Variants in ZC3H4 observed in about 807,000 individuals in gnomAD.
ZC3H4 encodes the protein zinc finger CCCH domain-containing protein 4.
In ZC3H4, 13 loss-of-function variants were observed where a neutral mutation model predicts 108.3. The observed-to-expected ratio is 0.12, with a 90% confidence interval of 0.08 to 0.19. The LOEUF is 0.19. Among genes scored for constraint, ZC3H4 ranks in the 10% least tolerant of loss-of-function variants. ZC3H4 has a pLI of 1.00. For synonymous variants in ZC3H4, 917 were observed against 749.6 expected (o/e 1.22, Z -3.65); for missense variants, 1,734 against 1,838.8 (o/e 0.94, Z 1.04).
Position 47,072,179 on chromosome 19 carries a change from C to A in ZC3H4, c.1803-58G>T, listed in dbSNP as rs1293501371. 3 of 1,459,744 alleles carry A rather than the reference C, an allele frequency of 2.1e-6. No individual in the cohort carries two copies. Among genetic ancestry groups the A allele is most frequent in the Non-Finnish European group, 2.7e-6 (3 of 1,097,704 alleles). 90.4% of individuals were successfully genotyped at this position (1,459,744 alleles called of 1,614,324 possible). On this transcript the variant is annotated intron_variant, in intron 12 of 14. Coordinates refer to ENST00000253048, the MANE Select transcript of ZC3H4 (RefSeq NM_015168.2). This position sits in a 1 kb window ranked among gnomAD's most constrained non-coding sequence, Gnocchi z 5.6. ...CTGCCGAGGAGGGCAGTGGCCACACCCCAGAGGAGAGGCGGAGGGCTGCAG... is the reference window on the plus strand; with the variant it reads ...CTGCCGAGGAGGGCAGTGGCCACACACCAGAGGAGAGGCGGAGGGCTGCAG...
At chr19:47,106,500 C>T (rs2057969872) in intron 2 of ZC3H4, among the ~76,000 whole-genome samples, 1 of 152,210 alleles carries the variant, frequency 6.6e-6, no homozygotes, top group Non-Finnish European at 1.5e-5. Flanking sequence ...TCACTCTATC[C>T]TTTCTGGGAC....
At chr19:47,101,815 G>A (rs2057907523) in intron 2 of ZC3H4, among the ~76,000 whole-genome samples, 1 of 150,366 alleles carries the variant, frequency 6.7e-6, no homozygotes, top group Non-Finnish European at 1.5e-5. Flanking sequence ...AGGTTGCAAT[G>A]AGCGATCGCA....
At chr19:47,090,958 A>C (rs574615776) in intron 4 of ZC3H4, among the ~76,000 whole-genome samples, 94 of 152,318 alleles carry the variant, frequency 6.2e-4, no homozygotes, top group African/African-American at 2.2e-3. Context: ...AATAAACTTA[A>C]AACAGCTCTA....
chr19:47,085,779 G>A (rs1414555842), intron 6 of ZC3H4, among the ~76,000 whole-genome samples: 5 of 152,202 alleles, frequency 3.3e-5, no homozygotes, highest in African/African-American at 4.8e-5. Flanking sequence ...GAAGGACCAC[G>A]TGCCTGGCTG....
At chr19:47,081,761 C>A in intron 10 of ZC3H4, 139 bp from the exon 11 acceptor site, 1 of 739,970 alleles carries the variant, frequency 1.4e-6, no homozygotes, top group Non-Finnish European at 2.3e-6. Flanking sequence ...GTGCTAAGGG[C>A]TGCTCAGTGG....
chr19:47,086,640 C>CCTCCTCCTCCTT (rs886796947), intron 5 of ZC3H4, 102 bp from the exon 6 acceptor site: 2 of 1,428,938 alleles, frequency 1.4e-6, no homozygotes, highest in Admixed American at 3.1e-5. Context: ...ACTTCAGCTG[C>CCTCCTCCTCCTT]CTCCTCCTCC....
chr19:47,109,274 A>G (rs1414166515), intron 2 of ZC3H4, among the ~76,000 whole-genome samples: 1 of 152,210 alleles, frequency 6.6e-6, no homozygotes, highest in Non-Finnish European at 1.5e-5. Flanking sequence ...GAAAACAATA[A>G]ACCGTTGTGT....
At chr19:47,070,603 C>G (rs1024604111) in intron 13 of ZC3H4, among the ~76,000 whole-genome samples, 1 of 152,146 alleles carries the variant, frequency 6.6e-6, no homozygotes, top group African/African-American at 2.4e-5. Context: ...CCTACTGTGG[C>G]AGCCTGTTTT....
chr19:47,088,546 C>CAA (rs200397969), intron 5 of ZC3H4, among the ~76,000 whole-genome samples: 1 of 141,272 alleles, frequency 7.1e-6, no homozygotes, highest in Non-Finnish European at 1.6e-5. Context: ...AACTCTGTCT[C>CAA]AAAAAAAAAA....
At chr19:47,085,014 G>A (rs2057591392) in intron 8 of ZC3H4, 42 bp downstream of exon 8, 1 of 1,609,718 alleles carries the variant, frequency 6.2e-7, no homozygotes, top group Non-Finnish European at 8.5e-7. Flanking sequence ...GACTAAGAAG[G>A]GACCTTGGCC....
At chr19:47,086,162 C>T (rs1020181067) in intron 6 of ZC3H4, among the ~76,000 whole-genome samples, 7 of 152,198 alleles carry the variant, frequency 4.6e-5, no homozygotes, top group African/African-American at 1.7e-4. Context: ...CCACCGCGCC[C>T]AGCCGATACC....
chr19:47,067,196 C>G lies in ZC3H4; in HGVS notation c.3072G>C (p.Arg1024=). ...AATCCGTGGAGGCGCCCGGGCGCTG[C>G]CGGGCGTTGGGGGGCCCTGCCGTGG... is the stretch of plus-strand genomic sequence containing the variant. ...RAATAGPPNA[R]QRPGASTDSS... The change falls in exon 15 of 15, where the codon CGG becomes CGC. Residue 1024 remains arginine (R), a synonymous_variant. Coordinates refer to ENST00000253048, the MANE Select transcript of ZC3H4 (RefSeq NM_015168.2). The surrounding 1 kb of genome is among the most constrained non-coding windows in gnomAD (Gnocchi z 6.4). 1 of 1,610,774 alleles carries G rather than the reference C, an allele frequency of 6.2e-7. No homozygotes were observed. Among genetic ancestry groups the G allele is most frequent in the East Asian group, 2.2e-5 (1 of 44,780 alleles).
At chr19:47,108,716 T>C (rs1028175267) in intron 2 of ZC3H4, among the ~76,000 whole-genome samples, 6 of 152,220 alleles carry the variant, frequency 3.9e-5, no homozygotes, top group African/African-American at 1.4e-4. Context: ...ACCACAGCAG[T>C]GGCTTACTAA....
intron 2 of ZC3H4, among the ~76,000 whole-genome samples, chr19:47,100,131 T>G (rs542693308): frequency 1.2e-4 from 18 of 152,294 alleles, no homozygotes; most frequent in African/African-American, 4.3e-4. Flanking sequence ...AGTCGTTTAT[T>G]AGGATTGAAG....
chr19:47,082,323 G>A (rs762374177), intron 9 of ZC3H4, 28 bp from the exon 10 acceptor site: 2 of 1,540,464 alleles, frequency 1.3e-6, no homozygotes, highest in East Asian at 2.2e-5. Flanking sequence ...AAAACATAAG[G>A]TGGTGGCGTG....
At chr19:47,080,683 C>G (rs2057505426) in intron 11 of ZC3H4, among the ~76,000 whole-genome samples, 1 of 148,422 alleles carries the variant, frequency 6.7e-6, no homozygotes, top group African/African-American at 2.5e-5. Context: ...TTTTTTGAGA[C>G]ACAGTCTCAC....
In ZC3H4 at chr19:47,067,974, C is replaced by T; in HGVS notation, c.2399-105G>A. 5.4e-6 allele frequency: 6 copies of T among 1,114,462 alleles called. No homozygotes were observed. Among genetic ancestry groups the T allele is most frequent in the South Asian group, 4.3e-5 (3 of 69,800 alleles). 69.0% of individuals were successfully genotyped at this position (1,114,462 alleles called of 1,614,324 possible). On this transcript the variant is annotated intron_variant, in intron 14 of 14. Transcript: ENST00000253048. The surrounding 1 kb of genome is among the most constrained non-coding windows in gnomAD (Gnocchi z 6.4). ...GTGAGCAGCTCCTTTGCTTGTGCCT[C>T]TCAGAACCTCAGGTCCTCCTCTCTA... is the stretch of plus-strand genomic sequence containing the variant.
chr19:47,069,580 GA>G (rs1363130259), intron 13 of ZC3H4, among the ~76,000 whole-genome samples: 1 of 152,224 alleles, frequency 6.6e-6, no homozygotes, highest in Non-Finnish European at 1.5e-5. Flanking sequence ...TTATGAGGTG[GA>G]AACAGGATGG....
At chr19:47,088,599 A>T (rs1257446161) in intron 5 of ZC3H4, among the ~76,000 whole-genome samples, 1 of 151,780 alleles carries the variant, frequency 6.6e-6, no homozygotes, top group Non-Finnish European at 1.5e-5. Flanking sequence ...TAGAGGCTGC[A>T]GTGAGCCTAA....
Sources: gnomAD v4.1 joint callset for allele counts (sites outside exome capture counted in the v4.1 genomes callset) on GRCh38, gnomAD v4.1.1 for gene constraint, Gnocchi (gnomAD v3.1) non-coding constraint, MANE v1.5 for transcripts, NCBI Gene and HGNC (gene_info 2026-07-23, HGNC 2026-07-21) for gene names.